Variants in ARFGEF3 observed in about 807,000 individuals in gnomAD.
ARFGEF3 encodes ARFGEF family member 3.
A neutral mutation model predicts 221.7 loss-of-function variants in ARFGEF3; 96 were observed. That is an observed-to-expected ratio of 0.43 (90% CI 0.37 to 0.51). The LOEUF (loss-of-function observed/expected upper bound fraction) is 0.51. Ranked by LOEUF, ARFGEF3 falls within the 20% of genes least tolerant of loss-of-function variation. The pLI is 0.00. For missense variants in ARFGEF3, 2,410 were observed against 2,789.9 expected, an observed-to-expected ratio of 0.86 and a Z score of 3.07; for synonymous variants, 1,145 against 1,126.8, an observed-to-expected ratio of 1.02 and a Z score of -0.32.
Position 138,298,593 on chromosome 6 carries a change from G to A in ARFGEF3, c.3649-13G>A, listed in dbSNP as rs372122556. 5.0e-5 allele frequency: 80 copies of A among 1,607,538 alleles called. No individual in the cohort carries two copies. Among genetic ancestry groups the A allele is most frequent in the East Asian group, 2.7e-4 (12 of 44,750 alleles). On this transcript the variant is annotated splice_polypyrimidine_tract_variant and intron_variant, in intron 21 of 33. Transcript: ENST00000251691. ...TGTCCTGATGGTGAGCCACTCTCTC[G>A]TGAATTTTGCAGGCTGCTTGCCATA...
Position 138,335,187 on chromosome 6 carries a change from A to G in ARFGEF3, c.6341A>G (p.Gln2114Arg). 6.5e-7 allele frequency: 1 copy of G among 1,534,062 alleles called. No homozygotes were observed. The highest frequency in any genetic ancestry group is 8.7e-7 in the Non-Finnish European group (1 of 1,149,428). ...VSVRDAEAQI[Q>R]AWTNMVLTVL... The stretch of plus-strand genomic sequence containing the variant: ...GTGAGAGACGCAGAAGCACAGATCC[A>G]GGTACATCCCTGTGGCCACAGCAGG... The change falls in exon 33 of 34, where the codon CAG (glutamine) becomes CGG (arginine). Residue 2114 changes from glutamine (Q) to arginine (R), a missense_variant and splice_region_variant. By Grantham distance (43) the Gln-to-Arg change is conservative (BLOSUM62 1). This residue lies in a region of ARFGEF3 where 339 missense variants were observed against 334.9 expected (regional missense o/e 1.01). Transcript: ENST00000251691.
chr6:138,230,036 A>C (rs1304360625), intron 5 of ARFGEF3, among the ~76,000 whole-genome samples, 184 bp downstream of exon 5: 1 of 152,016 alleles, frequency 6.6e-6, no homozygotes, highest in East Asian at 1.9e-4. Flanking sequence ...CCTTAGTTGT[A>C]ATGCCATGTG....
chr6:138,261,484 G>T, intron 10 of ARFGEF3, 43 bp from the exon 11 acceptor site: 2 of 1,228,446 alleles, frequency 1.6e-6, no homozygotes, highest in South Asian at 1.5e-5. Flanking sequence ...GTGCTTTTTT[G>T]TGATATTCAC....
chr6:138,270,463 C>CAT (rs1554254857), intron 12 of ARFGEF3, among the ~76,000 whole-genome samples: 5,007 of 123,720 alleles, frequency 0.04, 116 homozygotes, highest in Non-Finnish European at 0.054. Context: ...CACACACACA[C>CAT]ATATATATAT....
At chr6:138,300,585 A>G (rs1293211595) in intron 22 of ARFGEF3, among the ~76,000 whole-genome samples, 3 of 152,252 alleles carry the variant, frequency 2.0e-5, no homozygotes, top group African/African-American at 4.8e-5. Context: ...TCCTAAAAAT[A>G]GAATCTACTA....
At position 138,335,043 on chromosome 6, in the gene ARFGEF3, G is replaced by T; in HGVS notation, c.6197G>T (p.Arg2066Leu). The T allele has an allele frequency of 6.3e-7, 1 of 1,595,980 alleles. No homozygotes were observed. Among genetic ancestry groups the T allele is most frequent in the Non-Finnish European group, 8.5e-7 (1 of 1,171,988 alleles). ...GGCCAGGACTCCCCGCTGCTTCAGCGTCCCCAGCACTTGATGGACCAAGGG... is the reference window on the plus strand; with the variant it reads ...GGCCAGGACTCCCCGCTGCTTCAGCTTCCCCAGCACTTGATGGACCAAGGG... ...PRGQDSPLLQRPQHLMDQGQM... is the reference protein window; with the variant it reads ...PRGQDSPLLQLPQHLMDQGQM... The change falls in exon 33 of 34, where the codon CGT (arginine) becomes CTT (leucine). Residue 2066 changes from arginine (R) to leucine (L), a missense_variant. Physicochemically the swap from Arg to Leu is moderately radical, Grantham distance 102. Coordinates refer to ENST00000251691, the MANE Select transcript of ARFGEF3 (RefSeq NM_020340.5).
intron 32 of ARFGEF3, among the ~76,000 whole-genome samples, chr6:138,333,734 G>A (rs1780267961): frequency 6.6e-6 from 1 of 152,144 alleles, no homozygotes; most frequent in Non-Finnish European, 1.5e-5. Flanking sequence ...GAGCCACCGC[G>A]CTCGGCCCAG....
chr6:138,301,684 A>G (rs1477775701), intron 22 of ARFGEF3, among the ~76,000 whole-genome samples: 2 of 152,176 alleles, frequency 1.3e-5, no homozygotes, highest in East Asian at 3.8e-4. Context: ...TGTACAGGGG[A>G]GATTGTAAAG....
At chr6:138,254,027 A>C (rs763704257) in intron 9 of ARFGEF3, 43 bp downstream of exon 9, 4 of 1,344,650 alleles carry the variant, frequency 3.0e-6, no homozygotes, top group Non-Finnish European at 4.0e-6. Context: ...TGCCAACCCA[A>C]GGGCTGCTGC....
Position 138,302,197 on chromosome 6 carries a change from G to A in ARFGEF3, c.3828+3412G>A, listed in dbSNP as rs181621553. ...TTCAAAGTAGCTATTAAATATGTTC[G>A]AAAAAATTAAGGGAAAATATGACAA... On this transcript the variant is annotated intron_variant, in intron 22 of 33. Transcript: ENST00000251691. Among the ~76,000 whole-genome samples the A allele has an allele frequency of 1.1e-3, 169 of 152,034 alleles. 1 individual carries two copies. The highest frequency in any genetic ancestry group is 3.6e-3 in the African/African-American group (150 of 41,494).
chr6:138,336,554 T>C lies in ARFGEF3; in HGVS notation c.*68T>C. The C allele has an allele frequency of 7.7e-7, 1 of 1,306,700 alleles. No individual in the cohort carries two copies. Among genetic ancestry groups the C allele is most frequent in the Non-Finnish European group, 1.1e-6 (1 of 948,112 alleles). The allele number at this position is 1,306,700 out of a possible 1,614,324, so 80.9% of individuals were successfully genotyped here. ...GTTAGAGTCCTGCCAATACAGCTGT[T>C]GCATTTTCCCCACCACTAGCCCCAC... On this transcript the variant is annotated 3_prime_UTR_variant, in exon 34 of 34. Transcript: ENST00000251691.
At chr6:138,317,115 G>A in intron 26 of ARFGEF3, 136 bp from the exon 27 acceptor site, 1 of 837,626 alleles carries the variant, frequency 1.2e-6, no homozygotes, top group Non-Finnish European at 1.8e-6. Flanking sequence ...TATGGCCACT[G>A]AAGGCTAACA....
intron 31 of ARFGEF3, among the ~76,000 whole-genome samples, chr6:138,326,779 T>C (rs1055695630): frequency 1.5e-4 from 23 of 152,318 alleles, no homozygotes; most frequent in Admixed American, 1.2e-3. Context: ...CAAAGGAATA[T>C]AAATCATTCT....
In ARFGEF3 at chr6:138,338,732, G is replaced by A. The variant is rs1020303073; in HGVS notation, c.*2246G>A. The A allele has an allele frequency of 5.3e-5, 8 of 151,376 alleles. No homozygotes were observed. Among genetic ancestry groups the A allele is most frequent in the South Asian group, 2.1e-4 (1 of 4,776 alleles). 9.4% of individuals were successfully genotyped at this position (151,376 alleles called of 1,614,324 possible). ...GGAGAATCGCTCGAACCCAGGAGGC[G>A]GACGTTGCAGTGAGCCAAGATTGCA... On this transcript the variant is annotated 3_prime_UTR_variant, in exon 34 of 34. Transcript: ENST00000251691.
Position 138,286,777 on chromosome 6 carries a change from T to C in ARFGEF3, c.2646T>C (p.Gly882=). 1 of 1,614,044 alleles carries C rather than the reference T, an allele frequency of 6.2e-7. No individual in the cohort carries two copies. The highest frequency in any genetic ancestry group is 8.5e-7 in the Non-Finnish European group (1 of 1,179,892). The change falls in exon 16 of 34, where the codon GGT becomes GGC. Residue 882 remains glycine, a synonymous_variant. Transcript: ENST00000251691. ...LIDTLSTPLT[G]RMAGSSKGLA... is the part of the protein sequence containing the mutation. ...ATACTTTATCAACCCCACTGACTGG[T>C]CGAATGGCGGGGAGCTCCAAAGGGC...
intron 24 of ARFGEF3, among the ~76,000 whole-genome samples, chr6:138,309,926 C>T (rs1245661004): frequency 6.6e-6 from 1 of 152,214 alleles, no homozygotes; most frequent in Non-Finnish European, 1.5e-5. Flanking sequence ...ATGCCAGCCT[C>T]TTCCAGAACC....
intron 2 of ARFGEF3, among the ~76,000 whole-genome samples, chr6:138,176,737 G>A (rs1776956502): frequency 6.6e-6 from 1 of 151,974 alleles, no homozygotes; most frequent in Non-Finnish European, 1.5e-5. Flanking sequence ...TCATAATGGT[G>A]AATATCAGCC....
At chr6:138,242,893 A>T in intron 6 of ARFGEF3, 59 bp from the exon 7 acceptor site, 1 of 1,454,528 alleles carries the variant, frequency 6.9e-7, no homozygotes, top group South Asian at 1.2e-5. Flanking sequence ...CCATTGTCAA[A>T]GAGTCAAGAT....
chr6:138,201,194 T>A (rs1777529398), intron 2 of ARFGEF3, among the ~76,000 whole-genome samples: 1 of 152,184 alleles, frequency 6.6e-6, no homozygotes, highest in Non-Finnish European at 1.5e-5. Flanking sequence ...GATGTGGTTA[T>A]CAGGGAACAC....
Sources: gnomAD v4.1 joint callset for allele counts (sites outside exome capture counted in the v4.1 genomes callset) on GRCh38, gnomAD v4.1.1 for gene constraint, gnomAD v4.1.1 regional missense constraint, MANE v1.5 for transcripts, NCBI Gene and HGNC (gene_info 2026-07-23, HGNC 2026-07-21) for gene names.